The following LAMB4 variants were observed in gnomAD, a reference collection of about 807,000 sequenced individuals.
LAMB4 encodes the protein laminin subunit beta 4.
A neutral mutation model predicts 199.2 loss-of-function variants in LAMB4; 196 were observed. That is an observed-to-expected ratio of 0.98 (90% CI 0.88 to 1.11). The LOEUF (loss-of-function observed/expected upper bound fraction) is 1.11, where lower values mean the gene tolerates loss of function less well. LAMB4 is among the 50% of genes least tolerant of loss of function. The probability of loss-of-function intolerance (pLI) is 0.00; values close to 1 mark genes in which losing one functional copy is unlikely to be tolerated. For synonymous variants in LAMB4, 744 were observed against 770.6 expected (o/e 0.97, Z 0.57); for missense variants, 2,080 against 2,171.2 (o/e 0.96, Z 0.83).
chr7:108,037,581 G>A lies in LAMB4; in HGVS notation c.4486C>T (p.Pro1496Ser). Residue 1496 changes from proline (P) to serine (S), a missense_variant, in exon 30 of 34, where the codon CCA becomes TCA. Pro to Ser is a moderately conservative substitution (Grantham distance 74, BLOSUM62 -1). Coordinates refer to ENST00000388781, the MANE Select transcript of LAMB4 (RefSeq NM_007356.3). ...TTCGCAACCTTCTCGATGTCTTCTG[G>A]AGGCACGTTTTCCTCTTAAATAAGA... ...KNFLLEENVP[P>S]EDIEKVANGV... is the part of the protein sequence containing the mutation. 3 of 1,613,964 alleles carry A rather than the reference G, an allele frequency of 1.9e-6. No individual in the cohort carries two copies. Among genetic ancestry groups the A allele is most frequent in the Non-Finnish European group, 2.5e-6 (3 of 1,179,898 alleles).
intron 14 of LAMB4, among the ~76,000 whole-genome samples, chr7:108,082,207 G>A (rs1463429556): frequency 6.6e-6 from 1 of 151,952 alleles, no homozygotes; most frequent in Non-Finnish European, 1.5e-5. Flanking sequence ...GTGCGCACCT[G>A]TAGTCCCGGC....
intron 2 of LAMB4, among the ~76,000 whole-genome samples, 195 bp from the exon 3 acceptor site, chr7:108,116,356 T>C (rs956334735): frequency 3.1e-4 from 47 of 152,304 alleles, no homozygotes; most frequent in Admixed American, 2.7e-3. Context: ...TAATACCTCT[T>C]TGAGTCTTTT....
At chr7:108,119,387 T>C (rs2038520515) in intron 2 of LAMB4, among the ~76,000 whole-genome samples, 2 of 152,172 alleles carry the variant, frequency 1.3e-5, no homozygotes, top group African/African-American at 4.8e-5. Flanking sequence ...CCCAATGTCC[T>C]TCACTGGGTG....
At chr7:108,110,645 T>C (rs916859885) in intron 4 of LAMB4, among the ~76,000 whole-genome samples, 2 of 152,176 alleles carry the variant, frequency 1.3e-5, no homozygotes, top group East Asian at 3.9e-4. Flanking sequence ...GAATCCTTGC[T>C]CTATGTCATT....
intron 28 of LAMB4, among the ~76,000 whole-genome samples, chr7:108,045,254 C>G (rs994766978): frequency 6.6e-6 from 1 of 152,028 alleles, no homozygotes; most frequent in Non-Finnish European, 1.5e-5. Context: ...CAGCAAAGCA[C>G]CAAGTGATAC....
At chr7:108,072,912 A>C (rs1472528612) in intron 17 of LAMB4, among the ~76,000 whole-genome samples, 1 of 152,244 alleles carries the variant, frequency 6.6e-6, no homozygotes, top group African/African-American at 2.4e-5. Flanking sequence ...AGGGCAGCCA[A>C]CCAGAGATAA....
At chr7:108,072,836 C>T (rs7798165) in intron 17 of LAMB4, among the ~76,000 whole-genome samples, 21,552 of 152,078 alleles carry the variant, frequency 0.14, 2,355 homozygotes, top group African/African-American at 0.31. Context: ...TGACTCTGTG[C>T]TCTCCAAACA....
chr7:108,035,365 A>T (rs1035751729), intron 30 of LAMB4, among the ~76,000 whole-genome samples: 6 of 151,908 alleles, frequency 3.9e-5, no homozygotes, highest in African/African-American at 1.5e-4. Context: ...ATATAGTGAA[A>T]CCCCATCTCT....
At chr7:108,021,612 G>A (rs2034694723), downstream of LAMB4, among the ~76,000 whole-genome samples, 1 of 152,070 alleles carries the variant, frequency 6.6e-6, no homozygotes, top group Non-Finnish European at 1.5e-5. Flanking sequence ...GGGAGGCTGA[G>A]GCAGGAGAAT....
At chr7:108,079,443 A>G (rs915889218) in intron 15 of LAMB4, among the ~76,000 whole-genome samples, 158 bp downstream of exon 15, 1 of 152,180 alleles carries the variant, frequency 6.6e-6, no homozygotes, top group Admixed American at 6.5e-5. Context: ...CGCTGCTTCA[A>G]TATCTTTAGG....
At chr7:108,085,834 C>T (rs1191799225) in intron 14 of LAMB4, among the ~76,000 whole-genome samples, 2 of 152,078 alleles carry the variant, frequency 1.3e-5, no homozygotes, top group African/African-American at 4.8e-5. Context: ...AGGATGGTCT[C>T]GATCTCCTGA....
At chr7:108,120,259 CA>C (rs2038553264) in intron 2 of LAMB4, among the ~76,000 whole-genome samples, 1 of 152,090 alleles carries the variant, frequency 6.6e-6, no homozygotes. Context: ...ATTTGACCTC[CA>C]AAATAGCCTA....
At chr7:108,069,913 C>A in intron 17 of LAMB4, 28 bp from the exon 18 acceptor site, 1 of 1,582,000 alleles carries the variant, frequency 6.3e-7, no homozygotes, top group South Asian at 1.1e-5. Flanking sequence ...AAAGACTTAA[C>A]ATTCAAACTA....
intron 1 of LAMB4, among the ~76,000 whole-genome samples, chr7:108,127,624 G>A (rs2038840607): frequency 6.6e-6 from 1 of 152,120 alleles, no homozygotes; most frequent in East Asian, 1.9e-4. Flanking sequence ...AACATCATGT[G>A]GAAATGCCAA....
In LAMB4 at chr7:108,076,952, CCAGGACATGTGAATGAGCGTGGGA is replaced by C. The variant is rs757115091; in HGVS notation, c.2092_2115del (p.Ser698_Leu705del). 4 of 1,613,996 alleles carry C rather than the reference CCAGGACATGTGAATGAGCGTGGGA, an allele frequency of 2.5e-6. No individual in the cohort carries two copies. Among genetic ancestry groups the C allele is most frequent in the Non-Finnish European group, 3.4e-6 (4 of 1,179,930 alleles). On this transcript the variant is annotated inframe_deletion, in exon 17 of 34. Transcript: ENST00000388781. ...AACTCTGTGATACTTACAGAGTCCACCAGGACATGTGAATGAGCGTGGGACTCTCCTTGCAAAGGCTGAGAAAAA... is the reference window on the plus strand; with the variant it reads ...AACTCTGTGATACTTACAGAGTCCACCTCTCCTTGCAAAGGCTGAGAAAAA...
intron 26 of LAMB4, 107 bp from the exon 27 acceptor site, chr7:108,049,638 A>C: frequency 1.7e-6 from 1 of 598,626 alleles, no homozygotes; most frequent in African/African-American, 1.9e-5. Context: ...CTTGGTCTCA[A>C]CTATCACCAT....
At chr7:108,047,370 C>T (rs929366460) in intron 28 of LAMB4, among the ~76,000 whole-genome samples, 1 of 152,122 alleles carries the variant, frequency 6.6e-6, no homozygotes, top group Non-Finnish European at 1.5e-5. Context: ...TCTTCCTCCT[C>T]CTCAGCCTAC....
intron 23 of LAMB4, among the ~76,000 whole-genome samples, chr7:108,059,069 C>A (rs2036075972): frequency 7.2e-6 from 1 of 139,710 alleles, no homozygotes. Flanking sequence ...TTGGGCAGTG[C>A]TTTCTTATAC....
intron 2 of LAMB4, among the ~76,000 whole-genome samples, chr7:108,118,176 T>C (rs1457594256): frequency 1.3e-5 from 2 of 152,182 alleles, no homozygotes; most frequent in Non-Finnish European, 2.9e-5. Flanking sequence ...TTATTGTTAA[T>C]TCAATTAAAG....
Sources: allele counts gnomAD v4.1 joint callset (sites outside exome capture counted in the v4.1 genomes callset), GRCh38; gene constraint gnomAD v4.1.1; transcripts MANE v1.5; gene names NCBI Gene and HGNC (gene_info 2026-07-23, HGNC 2026-07-21).